The following RBMS3 variants were observed in gnomAD, a reference collection of about 807,000 sequenced individuals.
The protein encoded by RBMS3 is RNA binding motif single stranded interacting protein 3, also known as RNA-binding motif, single-stranded-interacting protein 3.
RBMS3 carries 27 observed loss-of-function variants against 66.8 expected under a neutral mutation model. The observed-to-expected ratio is 0.40, with a 90% confidence interval of 0.30 to 0.56. RBMS3 has a LOEUF of 0.56. Among genes scored for constraint, RBMS3 ranks in the 20% least tolerant of loss-of-function variants. The pLI is 0.40. For missense variants in RBMS3, 513 were observed against 549.5 expected (o/e 0.93, Z 0.66); for synonymous variants, 188 against 183.0 (o/e 1.03, Z -0.22).
chr3:29,498,431 T>C (rs1268764713), intron 3 of RBMS3, among the ~76,000 whole-genome samples: 1 of 152,170 alleles, frequency 6.6e-6, no homozygotes, highest in African/African-American at 2.4e-5. Context: ...ATATTTAAAA[T>C]GATATACAAA....
chr3:29,285,228 C>T (rs796942432), intron 1 of RBMS3, among the ~76,000 whole-genome samples: 16 of 5,206 alleles, frequency 3.1e-3, no homozygotes, highest in African/African-American at 0.015. Flanking sequence ...AGGTACTTGC[C>T]GGGGTGGGGT....
At chr3:29,491,263 T>G (rs1181420928) in intron 3 of RBMS3, among the ~76,000 whole-genome samples, 1 of 152,142 alleles carries the variant, frequency 6.6e-6, no homozygotes, top group Non-Finnish European at 1.5e-5. Flanking sequence ...TCCACGCTAT[T>G]TTGCAACAGC....
rs149426672 is a variant in RBMS3 at position 29,938,989 on chromosome 3, T to G, written c.1050+2793T>G. On this transcript the variant is annotated intron_variant, in intron 11 of 14. Coordinates refer to ENST00000383767, the MANE Select transcript of RBMS3 (RefSeq NM_001003793.3). The stretch of plus-strand genomic sequence containing the variant: ...ATGTGCTTCTCAAATGAGCTGCTCA[T>G]ACCCTTCACCTCCAGTGGCTTCTAA... Among the ~76,000 whole-genome samples, 9 of 152,124 alleles carry G rather than the reference T, an allele frequency of 5.9e-5. No individual in the cohort carries two copies. The East Asian group carries it at 1.7e-3, about 30-fold the overall frequency.
chr3:29,972,179 C>A (rs1697272377), intron 12 of RBMS3, among the ~76,000 whole-genome samples: 1 of 151,750 alleles, frequency 6.6e-6, no homozygotes, highest in Non-Finnish European at 1.5e-5. Flanking sequence ...TCCAGTTCTC[C>A]TTTCTATTTT....
intron 1 of RBMS3, among the ~76,000 whole-genome samples, chr3:29,423,659 G>A (rs1052432901): frequency 6.6e-6 from 1 of 152,180 alleles, no homozygotes; most frequent in African/African-American, 2.4e-5. Context: ...TGATGAGAAT[G>A]TTCTGTGTCT....
At chr3:29,391,694 C>T (rs755932797) in intron 1 of RBMS3, among the ~76,000 whole-genome samples, 1 of 152,104 alleles carries the variant, frequency 6.6e-6, no homozygotes, top group African/African-American at 2.4e-5. Context: ...AGACAAGTGG[C>T]TCACCCTTGG....
At chr3:29,469,508 T>A (rs984013615) in intron 2 of RBMS3, among the ~76,000 whole-genome samples, 1 of 151,968 alleles carries the variant, frequency 6.6e-6, no homozygotes. Context: ...ATTTGTTTAA[T>A]GGGACTCTAT....
At chr3:29,316,643 AATTAAATT>A (rs2034694731) in intron 1 of RBMS3, among the ~76,000 whole-genome samples, 3 of 151,536 alleles carry the variant, frequency 2.0e-5, no homozygotes, top group African/African-American at 7.3e-5. Flanking sequence ...TATAAATTAT[AATTAAATT>A]ATTAAATTAA....
intron 4 of RBMS3, among the ~76,000 whole-genome samples, chr3:29,608,955 C>G (rs1248581534): frequency 2.0e-5 from 3 of 151,926 alleles, no homozygotes; most frequent in African/African-American, 7.2e-5. Flanking sequence ...AAATTTCATT[C>G]ATATTCTTTA....
chr3:29,452,119 CAGGGATTTTCCTG>C (rs1327638369), intron 2 of RBMS3, among the ~76,000 whole-genome samples: 23 of 152,172 alleles, frequency 1.5e-4, no homozygotes, highest in Non-Finnish European at 1.5e-5. Context: ...CGTCAGATAA[CAGGGATTTTCCTG>C]TGTAAGAAGC....
intron 4 of RBMS3, among the ~76,000 whole-genome samples, chr3:29,649,477 G>T (rs2050065276): frequency 6.6e-6 from 1 of 152,158 alleles, no homozygotes; most frequent in Admixed American, 6.5e-5. Flanking sequence ...ACTAAGTGAA[G>T]TAAATATATG....
chr3:29,474,610 A>G (rs1039466048), intron 2 of RBMS3, among the ~76,000 whole-genome samples: 2 of 152,258 alleles, frequency 1.3e-5, no homozygotes, highest in Non-Finnish European at 2.9e-5. Context: ...TGGGTGACAC[A>G]GACAAGGAAG....
intron 4 of RBMS3, among the ~76,000 whole-genome samples, chr3:29,736,650 C>T (rs1160516375): frequency 6.6e-6 from 1 of 152,188 alleles, no homozygotes; most frequent in Non-Finnish European, 1.5e-5. Context: ...TGATGAGGAA[C>T]TCCAAAGCTC....
At chr3:29,362,921 A>G (rs1261826133) in intron 1 of RBMS3, among the ~76,000 whole-genome samples, 16 of 152,230 alleles carry the variant, frequency 1.1e-4, no homozygotes, top group Admixed American at 1.0e-3. Flanking sequence ...TATATTATCT[A>G]TCTATCTATG....
At chr3:29,993,568 C>T (rs967428676) in intron 14 of RBMS3, among the ~76,000 whole-genome samples, 1 of 152,158 alleles carries the variant, frequency 6.6e-6, no homozygotes, top group East Asian at 1.9e-4. Context: ...TGGGAGGCTT[C>T]CATCCAATCA....
chr3:29,405,240 A>T (rs2039966404), intron 1 of RBMS3, among the ~76,000 whole-genome samples: 1 of 152,196 alleles, frequency 6.6e-6, no homozygotes, highest in Non-Finnish European at 1.5e-5. Flanking sequence ...CAAGAGAATC[A>T]AAACTTTCTC....
At chr3:29,793,747 G>A (rs1205730421) in intron 6 of RBMS3, among the ~76,000 whole-genome samples, 1 of 152,218 alleles carries the variant, frequency 6.6e-6, no homozygotes, top group African/African-American at 2.4e-5. Context: ...TTTCAGAGAT[G>A]TATGGTCATT....
intron 14 of RBMS3, among the ~76,000 whole-genome samples, chr3:30,000,876 G>A (rs1481802430): frequency 6.6e-6 from 1 of 151,920 alleles, no homozygotes; most frequent in African/African-American, 2.4e-5. Context: ...ATCACATACT[G>A]GGGCCTGTCA....
At chr3:29,622,299 A>C (rs1472643167) in intron 4 of RBMS3, among the ~76,000 whole-genome samples, 1 of 152,216 alleles carries the variant, frequency 6.6e-6, no homozygotes, top group East Asian at 1.9e-4. Flanking sequence ...ATTGTAAAAA[A>C]TTTCGTGAAG....
Sources: allele counts gnomAD v4.1 joint callset (sites outside exome capture counted in the v4.1 genomes callset), GRCh38; gene constraint gnomAD v4.1.1; transcripts MANE v1.5; gene names NCBI Gene and HGNC (gene_info 2026-07-23, HGNC 2026-07-21).